The following VPS37A variants were observed in gnomAD, a reference collection of about 807,000 sequenced individuals.
VPS37A encodes the protein vacuolar protein sorting-associated protein 37A.
VPS37A carries 30 observed loss-of-function variants against 49.8 expected under a neutral mutation model. The ratio of observed to expected loss-of-function variants is 0.60; its 90% confidence interval spans 0.45 to 0.82. The LOEUF (loss-of-function observed/expected upper bound fraction) is 0.82. Among genes scored for constraint, VPS37A ranks in the 40% least tolerant of loss-of-function variants. The probability of loss-of-function intolerance (pLI) is 0.00; values close to 1 mark genes in which losing one functional copy is unlikely to be tolerated. For synonymous variants in VPS37A, 195 were observed against 160.6 expected, an observed-to-expected ratio of 1.21 and a Z score of -1.62; for missense variants, 593 against 464.4, an observed-to-expected ratio of 1.28 and a Z score of -2.55.
chr8:17,306,250 T>C (rs113615960), downstream of VPS37A, among the ~76,000 whole-genome samples: 2 of 152,320 alleles, frequency 1.3e-5, no homozygotes, highest in African/African-American at 4.8e-5. Context: ...CATTTTTAAA[T>C]TCATTCCTTA....
chr8:17,257,175 A>T lies in VPS37A; in HGVS notation c.126-8732A>T, dbSNP rs552646919. ...CCAATTTTCCCAGCACCGTTTATTG[A>T]AAACATCATCCTTTCTCCGTTGTAT... On this transcript the variant is annotated intron_variant, in intron 1 of 11. Transcript: ENST00000324849. Among the ~76,000 whole-genome samples, 3 of 152,284 alleles carry T rather than the reference A, an allele frequency of 2.0e-5. No individual in the cohort carries two copies. The East Asian group carries it at 5.8e-4, about 29-fold the overall frequency.
At chr8:17,275,253 T>C (rs1305553878) in intron 5 of VPS37A, among the ~76,000 whole-genome samples, 1 of 152,184 alleles carries the variant, frequency 6.6e-6, no homozygotes, top group Non-Finnish European at 1.5e-5. Context: ...AAAAATGTGA[T>C]TCTGGTTTTT....
At chr8:17,280,006 A>T in intron 6 of VPS37A, 22 bp from the exon 7 acceptor site, 1 of 1,607,820 alleles carries the variant, frequency 6.2e-7, no homozygotes, top group Non-Finnish European at 8.5e-7. Flanking sequence ...ATTTATTGAC[A>T]TTTTTTCTTT....
chr8:17,295,712 C>A lies in VPS37A; in HGVS notation c.*726C>A, dbSNP rs1016857958. 1 of 152,092 alleles carries A rather than the reference C, an allele frequency of 6.6e-6. No individual in the cohort carries two copies. Among genetic ancestry groups the A allele is most frequent in the Non-Finnish European group, 1.5e-5 (1 of 67,972 alleles). 9.4% of individuals were successfully genotyped at this position (152,092 alleles called of 1,614,324 possible). ...ATGCTAATTTAAAACATATATATAT[C>A]TGGTAGGTTTGTGGTTGGATAGGTT... On this transcript the variant is annotated 3_prime_UTR_variant, in exon 12 of 12. Coordinates refer to ENST00000324849, the MANE Select transcript of VPS37A (RefSeq NM_152415.3).
At chr8:17,256,630 T>TTTTATTTA (rs141925092) in intron 1 of VPS37A, among the ~76,000 whole-genome samples, 18,807 of 145,230 alleles carry the variant, frequency 0.13, 1,460 homozygotes, top group African/African-American at 0.21. Flanking sequence ...GCTGTGTAGG[T>TTTTATTTA]TTTATTTATT....
At chr8:17,293,839 G>A (rs1323576958) in intron 11 of VPS37A, among the ~76,000 whole-genome samples, 1 of 152,138 alleles carries the variant, frequency 6.6e-6, no homozygotes, top group African/African-American at 2.4e-5. Flanking sequence ...GTCCCAGAGG[G>A]GCACCTGCAA....
chr8:17,255,237 T>G (rs1812330653), intron 1 of VPS37A, among the ~76,000 whole-genome samples: 1 of 152,146 alleles, frequency 6.6e-6, no homozygotes, highest in African/African-American at 2.4e-5. Context: ...TCCCAGCACT[T>G]TGGGAGGCTG....
Position 17,280,437 on chromosome 8 carries a change from TAGTG to T in VPS37A, c.966_969del (p.Ser322ArgfsTer12). The T allele has an allele frequency of 6.2e-7, 1 of 1,607,562 alleles. No homozygotes were observed. Among genetic ancestry groups the T allele is most frequent in the Non-Finnish European group, 8.5e-7 (1 of 1,177,906 alleles). On this transcript the variant is annotated frameshift_variant and splice_region_variant, in exon 9 of 12. Coordinates refer to ENST00000324849, the MANE Select transcript of VPS37A (RefSeq NM_152415.3). LOFTEE classifies it high-confidence loss of function. ...AGAAGATGCAAAGGCAGCATGAACTTAGTGAGGTAAGACTGTTTATTTTTTTCCC... is the reference window on the plus strand; with the variant it reads ...AGAAGATGCAAAGGCAGCATGAACTTAGGTAAGACTGTTTATTTTTTTCCC...
At chr8:17,308,068 GGAA>G in the VPS37A span, among the ~76,000 whole-genome samples, 2 of 147,550 alleles carry the variant, frequency 1.4e-5, no homozygotes, top group African/African-American at 2.6e-5. Context: ...AATAAAATGA[GGAA>G]GAAAAAAATA....
chr8:17,305,252 C>G (rs184566891), downstream of VPS37A, among the ~76,000 whole-genome samples: 1 of 152,234 alleles, frequency 6.6e-6, no homozygotes, highest in East Asian at 1.9e-4. Flanking sequence ...AAAAAATGTT[C>G]TCTCATGTAT....
At chr8:17,247,992 T>A in intron 1 of VPS37A, 1 of 549,968 alleles carries the variant, frequency 1.8e-6, no homozygotes, top group Non-Finnish European at 3.2e-6. Flanking sequence ...CAAGAATTAC[T>A]TTATGTTCAT....
chr8:17,267,582 C>G (rs1374834740), intron 2 of VPS37A, among the ~76,000 whole-genome samples: 1 of 152,118 alleles, frequency 6.6e-6, no homozygotes, highest in Admixed American at 6.6e-5. Flanking sequence ...CCGTGTAGAA[C>G]CAAGTCTTGA....
At chr8:17,247,561 T>G (rs910395808) in intron 1 of VPS37A, 192 bp downstream of exon 1, 42 of 801,662 alleles carry the variant, frequency 5.2e-5, no homozygotes, top group Non-Finnish European at 4.2e-6. Context: ...CCTCCCTGCC[T>G]CCTGCCGCAC....
intron 2 of VPS37A, among the ~76,000 whole-genome samples, chr8:17,267,889 T>C (rs887733492): frequency 1.3e-5 from 2 of 152,138 alleles, no homozygotes; most frequent in Non-Finnish European, 2.9e-5. Flanking sequence ...TGTGGTCCAA[T>C]AAATAGCCAG....
chr8:17,267,694 C>G (rs546752122), intron 2 of VPS37A, among the ~76,000 whole-genome samples: 7 of 152,210 alleles, frequency 4.6e-5, no homozygotes, highest in African/African-American at 1.7e-4. Flanking sequence ...TTATTTTTAT[C>G]TTACTTTAGT....
At chr8:17,298,631 G>A (rs1440807359), downstream of VPS37A, 4 of 152,206 alleles carry the variant, frequency 2.6e-5, no homozygotes, top group East Asian at 7.7e-4. Context: ...GATCTAAATT[G>A]TAAAGTTTAA....
intron 11 of VPS37A, among the ~76,000 whole-genome samples, chr8:17,294,448 C>T (rs1425914074): frequency 6.6e-6 from 1 of 152,158 alleles, no homozygotes; most frequent in Admixed American, 6.5e-5. Context: ...AGCCCCCTTT[C>T]CAGGAGAGTG....
At chr8:17,310,189 C>T in the VPS37A span, among the ~76,000 whole-genome samples, 6 of 151,684 alleles carry the variant, frequency 4.0e-5, no homozygotes, top group East Asian at 5.8e-4. Flanking sequence ...TTTATAGAGA[C>T]GAGGTCTCGC....
At chr8:17,304,385 A>G (rs746315870), downstream of VPS37A, 19 of 1,611,970 alleles carry the variant, frequency 1.2e-5, no homozygotes, top group Admixed American at 1.7e-4. Context: ...ATACTTGTAC[A>G]TGAAGTTACA....
Sources: allele counts gnomAD v4.1 joint callset (sites outside exome capture counted in the v4.1 genomes callset), GRCh38; gene constraint gnomAD v4.1.1; transcripts MANE v1.5; gene names NCBI Gene and HGNC (gene_info 2026-07-23, HGNC 2026-07-21).